The following ALDH3B2 variants were observed in gnomAD, a reference collection of about 807,000 sequenced individuals.
ALDH3B2 encodes the protein aldehyde dehydrogenase family 3 member B2.
ALDH3B2 carries 45 observed loss-of-function variants against 36.7 expected under a neutral mutation model. The observed-to-expected ratio is 1.23, with a 90% CI of 0.97 to 1.57. The LOEUF is 1.57. ALDH3B2 is among the 40% of genes most tolerant of loss of function. The pLI, the probability that ALDH3B2 is intolerant of heterozygous loss-of-function variation, is 0.00. For missense variants in ALDH3B2, 464 were observed against 513.3 expected, an observed-to-expected ratio of 0.90 and a Z score of 0.93; for synonymous variants, 217 against 226.5, an observed-to-expected ratio of 0.96 and a Z score of 0.38.
Position 67,665,491 on chromosome 11 carries a change from T to G in ALDH3B2, c.500A>C (p.Asp167Ala). The G allele has an allele frequency of 6.2e-7, 1 of 1,613,978 alleles. No homozygotes were observed. The highest frequency in any genetic ancestry group is 1.1e-5 in the South Asian group (1 of 91,066). The change falls in exon 7 of 10, where the codon GAC becomes GCC. Residue 167 changes from aspartate (D) to alanine (A), a missense_variant. Asp to Ala is a moderately radical substitution (Grantham distance 126). Coordinates refer to ENST00000349015, the Ensembl canonical transcript of ALDH3B2. The stretch of plus-strand genomic sequence containing the variant: ...CATCTCGGGGCTGCACAGGACGTAG[T>G]CAGGGGCCACGCAGGTCTGGCCGGC...
intron 1 of ALDH3B2, chr11:67,681,128 T>C (rs945481129): frequency 6.6e-6 from 1 of 152,376 alleles, no homozygotes; most frequent in African/African-American, 2.4e-5. Flanking sequence ...GAAAGAGGTT[T>C]AATTGACTCA....
chr11:67,665,720 C>G (rs1206205388), intron 6 of ALDH3B2, 49 bp from the exon 7 acceptor site: 2 of 1,560,450 alleles, frequency 1.3e-6, no homozygotes, highest in African/African-American at 2.7e-5. Flanking sequence ...CTGGACCAGG[C>G]AGGATGGCCC....
At chr11:67,672,933 CTT>C (rs532673446) in intron 1 of ALDH3B2, among the ~76,000 whole-genome samples, 4 of 118,318 alleles carry the variant, frequency 3.4e-5, no homozygotes, top group Non-Finnish European at 7.3e-5. Context: ...CTTTTCTTTT[CTT>C]TTTTTTTTTT....
chr11:67,668,989 GTGTC>G (rs1055167629), intron 1 of ALDH3B2, among the ~76,000 whole-genome samples: 28 of 151,150 alleles, frequency 1.9e-4, no homozygotes, highest in Non-Finnish European at 2.2e-4. Flanking sequence ...GTGTGTATGG[GTGTC>G]TGTGTGTGTA....
At chr11:67,679,242 C>T (rs150988104), upstream of ALDH3B2, among the ~76,000 whole-genome samples, 1,368 of 151,994 alleles carry the variant, frequency 9.0e-3, 25 homozygotes, top group African/African-American at 0.031. Context: ...CTGAGGTGGA[C>T]GGATCACTTG....
chr11:67,667,449 C>A, intron 2 of ALDH3B2, 24 bp downstream of exon 2: 1 of 369,744 alleles, frequency 2.7e-6, no homozygotes, highest in South Asian at 8.2e-5. Flanking sequence ...CAGCCCCTGC[C>A]GGGGCCCACT....
chr11:67,666,284 G>A (rs761269491), intron 5 of ALDH3B2, 32 bp downstream of exon 5: 12 of 1,611,418 alleles, frequency 7.4e-6, no homozygotes, highest in African/African-American at 2.7e-5. Context: ...ATATGGGGAC[G>A]TCGGGCACTG....
chr11:67,666,971 C>T (rs759864404), exon 3 of ALDH3B2: 35 of 1,613,400 alleles, frequency 2.2e-5, no homozygotes, highest in South Asian at 3.3e-5. Flanking sequence ...TAGTCAACCT[C>T]GTTCTGGCAA....
At chr11:67,663,435 G>A (rs1487336117) in intron 9 of ALDH3B2, 36 bp from the exon 10 acceptor site, 1 of 1,586,800 alleles carries the variant, frequency 6.3e-7, no homozygotes, top group African/African-American at 1.3e-5. Flanking sequence ...CTGAGACCAG[G>A]CAGCCCATGG....
upstream of ALDH3B2, among the ~76,000 whole-genome samples, chr11:67,675,000 G>T (rs1325007506): frequency 1.3e-5 from 2 of 152,078 alleles, no homozygotes; most frequent in Non-Finnish European, 2.9e-5. Flanking sequence ...CCCTCCTAGG[G>T]TCTCTATGCT....
At chr11:67,676,338 T>A (rs1856271112), upstream of ALDH3B2, among the ~76,000 whole-genome samples, 1 of 152,108 alleles carries the variant, frequency 6.6e-6, no homozygotes, top group Non-Finnish European at 1.5e-5. Flanking sequence ...GGAAATTAAA[T>A]AACCTGCTCT....
chr11:67,671,750 T>A (rs1177323211), intron 1 of ALDH3B2, among the ~76,000 whole-genome samples: 2 of 151,686 alleles, frequency 1.3e-5, no homozygotes, highest in Non-Finnish European at 2.9e-5. Context: ...TTCTCCATGT[T>A]GAGGCTGGTC....
At position 67,664,582 on chromosome 11, in the gene ALDH3B2, C is replaced by T. The variant is rs754643780; in HGVS notation, c.707-20G>A. On this transcript the variant is annotated intron_variant, in intron 7 of 9. Coordinates refer to ENST00000349015, the Ensembl canonical transcript of ALDH3B2. ...TGGGGGCTGCGGGCACCAGAGACGGCTCAGCCCTGGGGCCACAGTCAGGAC... is the reference window on the plus strand; with the variant it reads ...TGGGGGCTGCGGGCACCAGAGACGGTTCAGCCCTGGGGCCACAGTCAGGAC... The T allele has an allele frequency of 1.2e-5, 19 of 1,611,484 alleles. No individual in the cohort carries two copies. The South Asian group carries it at 1.5e-4, about 13-fold the overall frequency.
At chr11:67,669,173 C>A (rs1451996381) in intron 1 of ALDH3B2, among the ~76,000 whole-genome samples, 1 of 143,042 alleles carries the variant, frequency 7.0e-6, no homozygotes, top group Non-Finnish European at 1.5e-5. Context: ...TGTGCATCTT[C>A]ATGTGTATGG....
intron 1 of ALDH3B2, among the ~76,000 whole-genome samples, chr11:67,669,558 CTGTG>C (rs1381484376): frequency 3.1e-5 from 4 of 128,672 alleles, no homozygotes; most frequent in South Asian, 2.6e-4. Context: ...CTATGGGTGT[CTGTG>C]TGTCTGTGTG....
chr11:67,671,545 CCCCTTT>C (rs1856113218), intron 1 of ALDH3B2, among the ~76,000 whole-genome samples: 1 of 149,880 alleles, frequency 6.7e-6, no homozygotes, highest in Non-Finnish European at 1.5e-5. Context: ...CTGCCTCCCC[CCCCTTT>C]TTTTTTTTTT....
chr11:67,665,609 G>C lies in ALDH3B2; in HGVS notation c.382C>G (p.Leu128Val), dbSNP rs764598058. The change falls in exon 7 of 10, where the codon CTG (leucine) becomes GTG (valine). Residue 128 changes from leucine to valine, a missense_variant. By Grantham distance (32) the Leu-to-Val change is conservative. Coordinates refer to ENST00000349015, the Ensembl canonical transcript of ALDH3B2. ...CAGGGGTTCTTGCCCCCCAGCTCCAGGGTGACAGGCGTCAGGTGCTTGGTG... is the reference window on the plus strand; with the variant it reads ...CAGGGGTTCTTGCCCCCCAGCTCCACGGTGACAGGCGTCAGGTGCTTGGTG... 3.1e-6 allele frequency: 5 copies of C among 1,613,900 alleles called. No individual in the cohort carries two copies. The South Asian group carries it at 5.5e-5, about 18-fold the overall frequency.
exon 3 of ALDH3B2, chr11:67,666,957 A>G: frequency 6.2e-7 from 1 of 1,614,030 alleles, no homozygotes; most frequent in East Asian, 2.2e-5. Context: ...GGTTCTTGAG[A>G]GCGTAGTCAA....
exon 10 of ALDH3B2, chr11:67,663,347 G>A: frequency 6.2e-7 from 1 of 1,614,132 alleles, no homozygotes; most frequent in Admixed American, 1.7e-5. Context: ...TGCGGTGGTG[G>A]GAGAAGGTGT....
Sources: gnomAD v4.1 joint callset for allele counts (sites outside exome capture counted in the v4.1 genomes callset) on GRCh38, gnomAD v4.1.1 for gene constraint, MANE v1.5 for transcripts, NCBI Gene and HGNC (gene_info 2026-07-23, HGNC 2026-07-21) for gene names.